PHLDB2: variants seen among roughly 807,000 people sequenced by gnomAD.
The protein encoded by PHLDB2 is pleckstrin homology-like domain family B member 2.
In PHLDB2, 71 loss-of-function variants were observed where a neutral mutation model predicts 123.6. The observed-to-expected ratio is 0.57, with a 90% CI of 0.47 to 0.70. PHLDB2 has a LOEUF of 0.70. Ranked by LOEUF, PHLDB2 falls within the 30% of genes least tolerant of loss-of-function variation. The pLI, the probability that PHLDB2 is intolerant of heterozygous loss-of-function variation, is 0.00. For missense variants in PHLDB2, 1,446 were observed against 1,519.5 expected, an observed-to-expected ratio of 0.95 and a Z score of 0.80; for synonymous variants, 547 against 541.6, an observed-to-expected ratio of 1.01 and a Z score of -0.14.
intron 16 of PHLDB2, among the ~76,000 whole-genome samples, chr3:111,970,904 G>A (rs2072132163): frequency 6.6e-6 from 1 of 152,138 alleles, no homozygotes; most frequent in South Asian, 2.1e-4. Context: ...ATGTTTATAA[G>A]GAGAAGTGTG....
intron 1 of PHLDB2, among the ~76,000 whole-genome samples, chr3:111,863,127 G>A (rs910486612): frequency 2.0e-5 from 3 of 152,282 alleles, no homozygotes; most frequent in African/African-American, 4.8e-5. Context: ...TGTGGGGCAC[G>A]TGCCTGGGTG....
intron 2 of PHLDB2, among the ~76,000 whole-genome samples, chr3:111,890,753 C>G (rs945469450): frequency 6.6e-6 from 1 of 151,914 alleles, no homozygotes; most frequent in African/African-American, 2.4e-5. Context: ...CTCCAAGGGC[C>G]TATTAATGAG....
intron 2 of PHLDB2, among the ~76,000 whole-genome samples, chr3:111,849,092 T>C (rs1050071611): frequency 4.6e-5 from 7 of 152,238 alleles, no homozygotes; most frequent in Non-Finnish European, 8.8e-5. Context: ...CCAAGCCTTT[T>C]ATAAAGCTAA....
intron 1 of PHLDB2, among the ~76,000 whole-genome samples, chr3:111,781,613 C>T (rs1046947126): frequency 1.3e-5 from 2 of 152,090 alleles, no homozygotes; most frequent in African/African-American, 4.8e-5. Flanking sequence ...TTAATTTCTC[C>T]TTTGTGGATA....
Position 111,975,242 on chromosome 3 carries a change from A to G in PHLDB2, c.*679A>G, listed in dbSNP as rs1304909777. ...TGTCACCACTGGTGTAAGCTACTAT[A>G]TATGTATATATATATGTAGTAAACC... On this transcript the variant is annotated 3_prime_UTR_variant, in exon 18 of 18. Coordinates refer to ENST00000431670, the MANE Select transcript of PHLDB2 (RefSeq NM_001134438.2). The G allele has an allele frequency of 6.7e-6, 1 of 148,336 alleles. No individual in the cohort carries two copies. Among genetic ancestry groups the G allele is most frequent in the Non-Finnish European group, 1.5e-5 (1 of 66,982 alleles). The allele number at this position is 148,336 out of a possible 1,614,324, so 9.2% of individuals were successfully genotyped here. A position where few individuals can be genotyped will look rare whatever the true frequency, so the allele number is the denominator to read the frequency against.
chr3:111,885,555 C>T, intron 2 of PHLDB2, 143 bp downstream of exon 2: 2 of 1,078,470 alleles, frequency 1.9e-6, no homozygotes, highest in Non-Finnish European at 1.4e-6. Context: ...CTCTTCTCTC[C>T]TGCTATCCTT....
chr3:111,851,771 C>G (rs2064266607), intron 2 of PHLDB2, among the ~76,000 whole-genome samples: 1 of 152,056 alleles, frequency 6.6e-6, no homozygotes, highest in African/African-American at 2.4e-5. Flanking sequence ...CGATGCGAAG[C>G]CTAAAATTCA....
chr3:111,944,796 C>A (rs575582493), intron 8 of PHLDB2, among the ~76,000 whole-genome samples: 4 of 152,184 alleles, frequency 2.6e-5, no homozygotes, highest in African/African-American at 9.6e-5. Context: ...CCTCAGCCTC[C>A]TGAGTAGCTG....
At position 111,945,263 on chromosome 3, in the gene PHLDB2, T is replaced by C. The variant is rs2070222167; in HGVS notation, c.2398-5T>C. Reference sequence around the variant, plus strand: ...TTAAGTTTAATAGGTTTTGTATTCCTTCAGGAAAAGGAGAATCTTTGTAAT... The same window carrying C: ...TTAAGTTTAATAGGTTTTGTATTCCCTCAGGAAAAGGAGAATCTTTGTAAT... On this transcript the variant is annotated splice_region_variant and splice_polypyrimidine_tract_variant and intron_variant, in intron 8 of 17. Coordinates refer to ENST00000431670, the MANE Select transcript of PHLDB2 (RefSeq NM_001134438.2). 1.3e-6 allele frequency: 2 copies of C among 1,597,410 alleles called. No homozygotes were observed. Among genetic ancestry groups the C allele is most frequent in the Non-Finnish European group, 1.7e-6 (2 of 1,167,110 alleles).
chr3:111,858,499 G>A (rs1422372142), upstream of PHLDB2, among the ~76,000 whole-genome samples: 5 of 152,116 alleles, frequency 3.3e-5, no homozygotes, highest in East Asian at 3.8e-4. Context: ...AAGACATTCC[G>A]TAGGTGAGGC....
At chr3:111,738,313 CAG>C (rs1222876034) in intron 1 of PHLDB2, among the ~76,000 whole-genome samples, 1 of 152,134 alleles carries the variant, frequency 6.6e-6, no homozygotes, top group African/African-American at 2.4e-5. Flanking sequence ...AATAGCCCAA[CAG>C]AGGCATCCTA....
At position 111,930,352 on chromosome 3, in the gene PHLDB2, A is replaced by G. The variant is rs546886257; in HGVS notation, c.2002-1917A>G. On this transcript the variant is annotated intron_variant, in intron 5 of 17. Coordinates refer to ENST00000431670, the MANE Select transcript of PHLDB2 (RefSeq NM_001134438.2). ...AAATATCATATCAGTGTTTTCTGTC[A>G]AAGATAACTTTAAATTTTAGGGCTT... Among the ~76,000 whole-genome samples, 14 of 152,244 alleles carry G rather than the reference A, an allele frequency of 9.2e-5. No homozygotes were observed. In the East Asian group the frequency reaches 2.5e-3, roughly 27 times the overall value.
chr3:111,966,807 A>G, intron 14 of PHLDB2, 104 bp downstream of exon 14: 1 of 793,384 alleles, frequency 1.3e-6, no homozygotes, highest in Non-Finnish European at 2.0e-6. Context: ...GTGTTCCTGG[A>G]ATAAATCACT....
intron 2 of PHLDB2, among the ~76,000 whole-genome samples, chr3:111,853,970 G>A (rs113671470): frequency 0.04 from 6,038 of 152,180 alleles, 400 homozygotes; most frequent in African/African-American, 0.14. Context: ...GTATTAGTCC[G>A]TTCTCACACT....
chr3:111,913,651 C>T lies in PHLDB2; in HGVS notation c.1668C>T (p.Ser556=), dbSNP rs35775235. The change falls in exon 3 of 18, where the codon TCC becomes TCT. Residue 556 remains serine (S), a synonymous_variant. Transcript: ENST00000431670. ...DLTRTPPPPS[S]TFPKASSESS... is the part of the protein sequence containing the mutation. ...CCCGGACTCCTCCACCACCATCCTC[C>T]ACCTTTCCGAAAGCTTCCAGCGAGT... is the stretch of plus-strand genomic sequence containing the variant. The T allele has an allele frequency of 8.3e-4, 1,338 of 1,613,930 alleles. 12 individuals carry two copies. In the African/African-American group the frequency reaches 0.016, roughly 20 times the overall value.
intron 2 of PHLDB2, among the ~76,000 whole-genome samples, chr3:111,892,774 TG>T (rs1246910206): frequency 6.6e-6 from 1 of 152,230 alleles, no homozygotes; most frequent in African/African-American, 2.4e-5. Flanking sequence ...CTGAGAGTCT[TG>T]CTTGTGTACC....
At position 111,913,912 on chromosome 3, in the gene PHLDB2, G is replaced by A. The variant is rs2068019999; in HGVS notation, c.1719+210G>A. ...GCACTGTAAAAATTGTAGCAGCACA[G>A]AAGAGTAGAAAGAAAGCACATTTCT... On this transcript the variant is annotated intron_variant, in intron 3 of 17. Transcript: ENST00000431670. The A allele has an allele frequency of 1.3e-5, 8 of 603,424 alleles. No individual in the cohort carries two copies. The South Asian group carries it at 1.6e-4, about 12-fold the overall frequency. The allele number at this position is 603,424 out of a possible 1,614,324, so 37.4% of individuals were successfully genotyped here. A position where few individuals can be genotyped will look rare whatever the true frequency, so the allele number is the denominator to read the frequency against.
At chr3:111,949,246 C>T (rs548255528) in intron 10 of PHLDB2, among the ~76,000 whole-genome samples, 171 bp downstream of exon 10, 15 of 152,288 alleles carry the variant, frequency 9.8e-5, no homozygotes, top group African/African-American at 3.6e-4. Context: ...GGGGGTAATG[C>T]TCTGCCAATA....
At chr3:111,953,126 G>A (rs2107638399) in intron 11 of PHLDB2, among the ~76,000 whole-genome samples, 1 of 152,318 alleles carries the variant, frequency 6.6e-6, no homozygotes. Flanking sequence ...AAATCCAGCA[G>A]CACTGGGTAG....
Sources: allele counts gnomAD v4.1 joint callset (sites outside exome capture counted in the v4.1 genomes callset), GRCh38; gene constraint gnomAD v4.1.1; transcripts MANE v1.5; gene names NCBI Gene and HGNC (gene_info 2026-07-23, HGNC 2026-07-21).